The following MAGI1 variants were observed in gnomAD, a reference collection of about 807,000 sequenced individuals.
MAGI1 encodes membrane-associated guanylate kinase, WW and PDZ domain-containing protein 1.
MAGI1 carries 58 observed loss-of-function variants against 139.9 expected under a neutral mutation model. The ratio of observed to expected loss-of-function variants is 0.41; its 90% CI spans 0.34 to 0.52. The LOEUF is 0.52. Ranked by LOEUF, MAGI1 falls within the 20% of genes least tolerant of loss-of-function variation. MAGI1 has a pLI of 0.12. For missense variants in MAGI1, 1,874 were observed against 1,901.6 expected (o/e 0.99, Z 0.27); for synonymous variants, 812 against 737.9 (o/e 1.10, Z -1.63).
In MAGI1 at chr3:65,356,541, C is replaced by A. The variant is rs1471775161; in HGVS notation, c.4226G>T (p.Arg1409Leu). The change falls in exon 23 of 23, where the codon CGC (arginine) becomes CTC (leucine). Residue 1409 changes from arginine (R) to leucine (L), a missense_variant. Transcript: ENST00000402939. Reference protein sequence around the residue: ...TDRRRARSPERRRERSLDKRN... With the variant: ...TDRRRARSPELRRERSLDKRN... ...TTTGTCCAGGGACCGCTCTCTCCTG[C>A]GCTCGGGGGAGCGTGCGCGCCTCCG... 1.2e-6 allele frequency: 2 copies of A among 1,609,778 alleles called. No individual in the cohort carries two copies. Among genetic ancestry groups the A allele is most frequent in the Non-Finnish European group, 8.5e-7 (1 of 1,179,768 alleles).
chr3:65,470,704 T>C (rs1950508045), intron 4 of MAGI1, among the ~76,000 whole-genome samples: 1 of 152,204 alleles, frequency 6.6e-6, no homozygotes, highest in African/African-American at 2.4e-5. Context: ...GAAATTTATT[T>C]TACTTAAAAA....
At chr3:65,910,995 C>A (rs1227643164) in intron 1 of MAGI1, among the ~76,000 whole-genome samples, 1 of 150,794 alleles carries the variant, frequency 6.6e-6, no homozygotes, top group Non-Finnish European at 1.5e-5. Context: ...GTGGCTGGGA[C>A]TACAGGTGCA....
chr3:65,914,609 G>T (rs2061814315), intron 1 of MAGI1, among the ~76,000 whole-genome samples: 1 of 152,168 alleles, frequency 6.6e-6, no homozygotes, highest in African/African-American at 2.4e-5. Context: ...CAGCCCACAG[G>T]CTACCAGTTT....
At chr3:65,634,392 A>G (rs1282671196) in intron 1 of MAGI1, among the ~76,000 whole-genome samples, 1 of 152,236 alleles carries the variant, frequency 6.6e-6, no homozygotes, top group African/African-American at 2.4e-5. Flanking sequence ...CTGGTGCTGT[A>G]GAAATTTGTT....
intron 1 of MAGI1, among the ~76,000 whole-genome samples, chr3:65,936,315 C>G (rs1318838026): frequency 6.6e-6 from 1 of 152,116 alleles, no homozygotes; most frequent in Non-Finnish European, 1.5e-5. Flanking sequence ...CTAAGCGTAA[C>G]CCACAGCAAG....
chr3:65,898,873 A>G (rs2108611567), intron 1 of MAGI1, among the ~76,000 whole-genome samples: 1 of 152,326 alleles, frequency 6.6e-6, no homozygotes, highest in East Asian at 1.9e-4. Context: ...ATGTACAATT[A>G]TTATTTGTCA....
chr3:65,703,499 T>C (rs1357491398), intron 1 of MAGI1, among the ~76,000 whole-genome samples: 1 of 152,226 alleles, frequency 6.6e-6, no homozygotes, highest in Non-Finnish European at 1.5e-5. Context: ...AAGGCTTCAA[T>C]TGCTCTTTCT....
chr3:65,389,428 A>T (rs1403093792), intron 14 of MAGI1, among the ~76,000 whole-genome samples: 1 of 152,134 alleles, frequency 6.6e-6, no homozygotes, highest in African/African-American at 2.4e-5. Flanking sequence ...CATACAGGAA[A>T]ACTCAATCAT....
At chr3:65,612,269 C>A (rs1277098860) in intron 2 of MAGI1, among the ~76,000 whole-genome samples, 3 of 151,854 alleles carry the variant, frequency 2.0e-5, no homozygotes, top group Non-Finnish European at 4.4e-5. Flanking sequence ...AAGAATAGTA[C>A]AAATAACACC....
rs576014715 is a variant in MAGI1 at position 65,650,605 on chromosome 3, C to T, written c.314-28517G>A. Among the ~76,000 whole-genome samples the T allele has an allele frequency of 2.6e-5, 4 of 152,320 alleles. No homozygotes were observed. The South Asian group carries it at 8.3e-4, about 32-fold the overall frequency. On this transcript the variant is annotated intron_variant, in intron 1 of 22. Coordinates refer to ENST00000402939, the MANE Select transcript of MAGI1 (RefSeq NM_001033057.2). ...CATCCCTGTGTTAACACCTTGATTT[C>T]CAACGTCTGGCCTCCAGAACTGTGA...
chr3:65,773,854 T>C (rs2038158776), intron 1 of MAGI1, among the ~76,000 whole-genome samples: 1 of 152,186 alleles, frequency 6.6e-6, no homozygotes, highest in Admixed American at 6.5e-5. Flanking sequence ...GATATAAAGA[T>C]TAAAATTTTT....
At chr3:65,767,713 C>T (rs2037606113) in intron 1 of MAGI1, among the ~76,000 whole-genome samples, 1 of 152,152 alleles carries the variant, frequency 6.6e-6, no homozygotes, top group South Asian at 2.1e-4. Context: ...GTTACTCATG[C>T]TAAGGTTCCA....
At chr3:65,916,888 T>A (rs264689) in intron 1 of MAGI1, among the ~76,000 whole-genome samples, 114,578 of 152,120 alleles carry the variant, frequency 0.75, 44,238 homozygotes, top group East Asian at 0.94. Context: ...CAGGGATAAG[T>A]TCTACTGTTC....
rs114794101 is a variant in MAGI1 at position 65,566,579 on chromosome 3, T to C, written c.430+55393A>G. On this transcript the variant is annotated intron_variant, in intron 2 of 22. Transcript: ENST00000402939. ...AAGGCTTTGTCTAAGGTGGCATACA[T>C]ACTCAGAAGTCAGTTTTCCCAAGTC... 5.6e-4 allele frequency among the ~76,000 whole-genome samples: 85 copies of C among 152,310 alleles called. No individual in the cohort carries two copies. The Middle Eastern group carries it at 0.01, about 18-fold the overall frequency.
At chr3:65,778,941 G>A (rs1005910935) in intron 1 of MAGI1, among the ~76,000 whole-genome samples, 7 of 152,176 alleles carry the variant, frequency 4.6e-5, no homozygotes, top group African/African-American at 1.7e-4. Context: ...TTAGGAAGGT[G>A]CTAGTGTCAT....
At position 65,587,209 on chromosome 3, in the gene MAGI1, C is replaced by T. The variant is rs946128762; in HGVS notation, c.430+34763G>A. Among the ~76,000 whole-genome samples the T allele has an allele frequency of 9.8e-5, 15 of 152,304 alleles. 1 individual carries two copies. Among genetic ancestry groups the T allele is most frequent in the Admixed American group, 8.5e-4 (13 of 15,304 alleles). ...TTTGGAGTTATGTCCCAATAAACCACTGGTTTACTGGGAACACACCTAACC... is the reference window on the plus strand; with the variant it reads ...TTTGGAGTTATGTCCCAATAAACCATTGGTTTACTGGGAACACACCTAACC... On this transcript the variant is annotated intron_variant, in intron 2 of 22. Transcript: ENST00000402939.
In MAGI1 at chr3:65,829,502, C is replaced by G. The variant is rs76165606; in HGVS notation, c.314-207414G>C. Reference sequence around the variant, plus strand: ...CATGTCAGGAAGGCACAATCTATGACGAAGAAGACCTCCCCAGACATCATA... The same window carrying G: ...CATGTCAGGAAGGCACAATCTATGAGGAAGAAGACCTCCCCAGACATCATA... On this transcript the variant is annotated intron_variant, in intron 1 of 22. Coordinates refer to ENST00000402939, the MANE Select transcript of MAGI1 (RefSeq NM_001033057.2). 4.1e-3 allele frequency among the ~76,000 whole-genome samples: 621 copies of G among 152,256 alleles called. 7 individuals are homozygous for G. Among genetic ancestry groups the G allele is most frequent in the Admixed American group, 0.032 (483 of 15,282 alleles).
At chr3:65,497,613 A>G (rs1952548271) in intron 2 of MAGI1, among the ~76,000 whole-genome samples, 1 of 152,142 alleles carries the variant, frequency 6.6e-6, no homozygotes, top group African/African-American at 2.4e-5. Flanking sequence ...CAAAACAAAA[A>G]ATCTGTTGAG....
At chr3:65,388,834 ATTTTTTTTTTTTT>A (rs35579495) in intron 14 of MAGI1, among the ~76,000 whole-genome samples, 4 of 91,908 alleles carry the variant, frequency 4.4e-5, no homozygotes, top group African/African-American at 1.5e-4. Flanking sequence ...ACCATTCCGA[ATTTTTTTTTTTTT>A]TTTTTTTTTT....
Sources: allele counts gnomAD v4.1 joint callset (sites outside exome capture counted in the v4.1 genomes callset), GRCh38; gene constraint gnomAD v4.1.1; transcripts MANE v1.5; gene names NCBI Gene and HGNC (gene_info 2026-07-23, HGNC 2026-07-21).